Variants in ADCY2 observed in about 807,000 individuals in gnomAD.
The protein encoded by ADCY2 is adenylate cyclase 2.
Under a neutral mutation model 125.2 loss-of-function variants are expected in ADCY2, and 31 were observed. The ratio of observed to expected loss-of-function variants is 0.25; its 90% CI spans 0.19 to 0.33. The LOEUF is 0.33. ADCY2 is among the 10% of genes least tolerant of loss of function. ADCY2 has a pLI of 1.00. For missense variants in ADCY2, 904 were observed against 1,418.2 expected, an observed-to-expected ratio of 0.64 and a Z score of 5.82; for synonymous variants, 512 against 548.4, an observed-to-expected ratio of 0.93 and a Z score of 0.93.
intron 1 of ADCY2, among the ~76,000 whole-genome samples, chr5:7,412,162 T>G (rs1739749934): frequency 6.6e-6 from 1 of 152,220 alleles, no homozygotes; most frequent in Non-Finnish European, 1.5e-5. Flanking sequence ...AGCATCTTCT[T>G]GTTCCCTGGT....
chr5:7,766,071 T>A (rs1743366452), intron 16 of ADCY2, among the ~76,000 whole-genome samples: 1 of 152,162 alleles, frequency 6.6e-6, no homozygotes, highest in Admixed American at 6.5e-5. Context: ...TTCTCAGCAT[T>A]ACCTTTTTTG....
chr5:7,783,305 G>A (rs1449731378), intron 18 of ADCY2, among the ~76,000 whole-genome samples: 1 of 152,114 alleles, frequency 6.6e-6, no homozygotes, highest in Non-Finnish European at 1.5e-5. Context: ...CAGGCTCTGT[G>A]CCAGGGATAT....
chr5:7,822,279 T>A (rs554562150), intron 24 of ADCY2, among the ~76,000 whole-genome samples: 1 of 152,346 alleles, frequency 6.6e-6, no homozygotes, highest in South Asian at 2.1e-4. Context: ...TTGCTTAAAC[T>A]GTGGTTAGAG....
intron 3 of ADCY2, among the ~76,000 whole-genome samples, chr5:7,571,403 G>A (rs1449972707): frequency 6.6e-6 from 1 of 152,114 alleles, no homozygotes; most frequent in East Asian, 1.9e-4. Context: ...AAGGGAGAAC[G>A]AATTTGCCCT....
intron 3 of ADCY2, among the ~76,000 whole-genome samples, chr5:7,620,958 C>T (rs910939973): frequency 4.6e-5 from 7 of 151,664 alleles, no homozygotes; most frequent in African/African-American, 1.5e-4. Context: ...CCTGGCTTTG[C>T]CCTCAGCCTG....
At chr5:7,506,279 A>G (rs138176687) in intron 2 of ADCY2, among the ~76,000 whole-genome samples, 2,793 of 152,346 alleles carry the variant, frequency 0.018, 36 homozygotes, top group Non-Finnish European at 0.027. Context: ...AAAAATGTAT[A>G]ACTAGTTTTT....
At chr5:7,594,226 A>T (rs2126628663) in intron 3 of ADCY2, among the ~76,000 whole-genome samples, 1 of 152,238 alleles carries the variant, frequency 6.6e-6, no homozygotes, top group East Asian at 1.9e-4. Context: ...AATCCAGACG[A>T]GAGGTGATGG....
chr5:7,667,144 T>C (rs975960909), intron 4 of ADCY2, among the ~76,000 whole-genome samples: 20 of 152,122 alleles, frequency 1.3e-4, no homozygotes, highest in African/African-American at 4.6e-4. Context: ...TCTCACAAGC[T>C]GTCAGAAGGG....
chr5:7,812,402 C>T (rs368243288), intron 22 of ADCY2, among the ~76,000 whole-genome samples: 12 of 152,290 alleles, frequency 7.9e-5, no homozygotes, highest in Admixed American at 6.5e-5. Context: ...AGGTCAGACA[C>T]CTTGGTCGTT....
Position 7,826,702 on chromosome 5 carries a change from G to A in ADCY2, c.3124-17G>A. ...GTATGTACTAAGCCCGTTTTCCCGT[G>A]TTCCTGTGCCTTCTAGGTTACCGAG... On this transcript the variant is annotated splice_polypyrimidine_tract_variant and intron_variant, in intron 24 of 24. Coordinates refer to ENST00000338316, the MANE Select transcript of ADCY2 (RefSeq NM_020546.3). 6.2e-7 allele frequency: 1 copy of A among 1,613,846 alleles called. No individual in the cohort carries two copies. Among genetic ancestry groups the A allele is most frequent in the Non-Finnish European group, 8.5e-7 (1 of 1,179,952 alleles).
chr5:7,535,127 G>C (rs1185573702), intron 3 of ADCY2, among the ~76,000 whole-genome samples: 2 of 152,076 alleles, frequency 1.3e-5, no homozygotes, highest in Non-Finnish European at 2.9e-5. Flanking sequence ...CGCAACCTCC[G>C]CCTCTCAGGT....
At chr5:7,800,697 T>C (rs1214460430) in intron 20 of ADCY2, 1 of 152,128 alleles carries the variant, frequency 6.6e-6, no homozygotes, top group African/African-American at 2.4e-5. Flanking sequence ...CCTGGCTAGA[T>C]GCACCCTTTT....
intron 2 of ADCY2, among the ~76,000 whole-genome samples, chr5:7,497,669 C>T (rs1195976183): frequency 6.6e-6 from 1 of 151,822 alleles, no homozygotes; most frequent in African/African-American, 2.4e-5. Context: ...TAAACTTTCA[C>T]GTACAAGCTA....
chr5:7,705,332 G>GT (rs1741232145), intron 7 of ADCY2, among the ~76,000 whole-genome samples: 1 of 152,234 alleles, frequency 6.6e-6, no homozygotes, highest in Non-Finnish European at 1.5e-5. Context: ...TCTGCTGAGG[G>GT]CCGAGATGGA....
intron 3 of ADCY2, among the ~76,000 whole-genome samples, chr5:7,573,593 C>CTTTTTTTTTTTTTTTTTTTTTTT (rs763347773): frequency 1.2e-5 from 1 of 86,366 alleles, no homozygotes; most frequent in Non-Finnish European, 2.4e-5. Context: ...GGTTGATTTT[C>CTTTTTTTTTTTTTTTTTTTTTTT]TTTTTTTTTT....
chr5:7,684,687 G>T (rs1740452746), intron 4 of ADCY2, among the ~76,000 whole-genome samples: 2 of 151,782 alleles, frequency 1.3e-5, no homozygotes, highest in African/African-American at 4.8e-5. Context: ...TGGCTGTGAA[G>T]CTGGAAGACG....
chr5:7,825,325 C>T (rs1257267898), intron 24 of ADCY2, among the ~76,000 whole-genome samples: 1 of 151,962 alleles, frequency 6.6e-6, no homozygotes, highest in African/African-American at 2.4e-5. Context: ...CTGCTGTGTG[C>T]CATAACACTG....
At chr5:7,586,587 A>AG (rs1736635095) in intron 3 of ADCY2, among the ~76,000 whole-genome samples, 1 of 152,056 alleles carries the variant, frequency 6.6e-6, no homozygotes, top group African/African-American at 2.4e-5. Flanking sequence ...ATAGGAGACA[A>AG]GGTCATCTAA....
intron 8 of ADCY2, 30 bp from the exon 9 acceptor site, chr5:7,707,676 C>CT (rs1741306082): frequency 9.3e-6 from 15 of 1,610,372 alleles, no homozygotes; most frequent in African/African-American, 1.3e-5. Flanking sequence ...CCTTTTATGT[C>CT]TTGACTGTGA....
Sources: gnomAD v4.1 joint callset for allele counts (sites outside exome capture counted in the v4.1 genomes callset) on GRCh38, gnomAD v4.1.1 for gene constraint, MANE v1.5 for transcripts, NCBI Gene and HGNC (gene_info 2026-07-23, HGNC 2026-07-21) for gene names.